CYP7B1: variants seen among roughly 807,000 people sequenced by gnomAD.
The protein encoded by CYP7B1 is cytochrome P450 family 7 subfamily B member 1.
A neutral mutation model predicts 42.7 loss-of-function variants in CYP7B1; 29 were observed. The ratio of observed to expected loss-of-function variants is 0.68; its 90% CI spans 0.51 to 0.93. The LOEUF is 0.93. Ranked by LOEUF, CYP7B1 falls within the 40% of genes least tolerant of loss-of-function variation. CYP7B1 has a pLI of 0.00. For synonymous variants in CYP7B1, 235 were observed against 218.2 expected (o/e 1.08, Z -0.68); for missense variants, 655 against 600.5 (o/e 1.09, Z -0.95).
intron 1 of CYP7B1, among the ~76,000 whole-genome samples, chr8:64,657,342 GA>G (rs538688197): frequency 2.0e-5 from 3 of 151,562 alleles, no homozygotes; most frequent in Admixed American, 6.6e-5. Context: ...TTTCCCTTGG[GA>G]AAAAAAAGCT....
At chr8:64,659,186 C>T (rs1029486474) in intron 1 of CYP7B1, among the ~76,000 whole-genome samples, 4 of 152,102 alleles carry the variant, frequency 2.6e-5, no homozygotes, top group Admixed American at 1.3e-4. Flanking sequence ...TACTAAACCA[C>T]GGTAATGGAG....
chr8:64,614,758 T>C (rs1805408699), intron 4 of CYP7B1, among the ~76,000 whole-genome samples: 1 of 152,194 alleles, frequency 6.6e-6, no homozygotes, highest in Non-Finnish European at 1.5e-5. Context: ...TCAAATGATT[T>C]AATAGGCATA....
intron 1 of CYP7B1, among the ~76,000 whole-genome samples, chr8:64,644,199 G>A (rs926121219): frequency 6.6e-6 from 1 of 151,756 alleles, no homozygotes; most frequent in Non-Finnish European, 1.5e-5. Flanking sequence ...TTGAACCCAG[G>A]AGGCTGAGGT....
rs575035819 is a variant in CYP7B1 at position 64,714,131 on chromosome 8, T to C, written c.122+84335A>G. On this transcript the variant is annotated intron_variant, in intron 1 of 5. Transcript: ENST00000310193. ...CAAACCTGTGTTTCTGGCTTCAGCATTCATGCTCTTAACCATGCTATATGG... is the reference window on the plus strand; with the variant it reads ...CAAACCTGTGTTTCTGGCTTCAGCACTCATGCTCTTAACCATGCTATATGG... Among the ~76,000 whole-genome samples the C allele has an allele frequency of 5.3e-5, 8 of 152,328 alleles. No individual in the cohort carries two copies. In the South Asian group the frequency reaches 1.7e-3, roughly 32 times the overall value.
chr8:64,636,660 T>A (rs1805777271), intron 1 of CYP7B1, among the ~76,000 whole-genome samples: 1 of 152,196 alleles, frequency 6.6e-6, no homozygotes, highest in Non-Finnish European at 1.5e-5. Flanking sequence ...TGGTCACAGA[T>A]GAGGCACCAG....
intron 1 of CYP7B1, among the ~76,000 whole-genome samples, chr8:64,780,558 GA>G (rs966361461): frequency 1.3e-5 from 2 of 151,586 alleles, no homozygotes; most frequent in African/African-American, 4.8e-5. Context: ...CTTCTACATT[GA>G]AAAAAATGCC....
chr8:64,702,324 T>C (rs962467029), intron 1 of CYP7B1, among the ~76,000 whole-genome samples: 5 of 152,218 alleles, frequency 3.3e-5, no homozygotes, highest in African/African-American at 9.6e-5. Context: ...TTAAGGTTAA[T>C]GTTATAAAAT....
chr8:64,668,738 AAAG>A (rs1806320716), intron 1 of CYP7B1, among the ~76,000 whole-genome samples: 1 of 151,746 alleles, frequency 6.6e-6, no homozygotes, highest in Non-Finnish European at 1.5e-5. Context: ...AAAAAAAAAA[AAAG>A]GTTAAAAAGA....
At chr8:64,600,216 G>C (rs1475203615) in intron 5 of CYP7B1, among the ~76,000 whole-genome samples, 1 of 152,156 alleles carries the variant, frequency 6.6e-6, no homozygotes. Flanking sequence ...AGTTTGGATA[G>C]AGGACACAAT....
chr8:64,793,213 C>T (rs911300084), intron 1 of CYP7B1, among the ~76,000 whole-genome samples: 1 of 152,170 alleles, frequency 6.6e-6, no homozygotes, highest in Non-Finnish European at 1.5e-5. Flanking sequence ...TCTGTTATCA[C>T]CCCCTCTCCA....
At chr8:64,713,094 T>C (rs111987715) in intron 1 of CYP7B1, among the ~76,000 whole-genome samples, 2,118 of 152,224 alleles carry the variant, frequency 0.014, 57 homozygotes, top group African/African-American at 0.047. Context: ...GATGAATGGA[T>C]AGAGAGCTGA....
At chr8:64,656,717 T>C (rs1806125879) in intron 1 of CYP7B1, among the ~76,000 whole-genome samples, 1 of 152,202 alleles carries the variant, frequency 6.6e-6, no homozygotes, top group Admixed American at 6.5e-5. Flanking sequence ...AGAAGCCCAA[T>C]TGTGCAATCC....
intron 1 of CYP7B1, among the ~76,000 whole-genome samples, chr8:64,777,873 T>G (rs927958704): frequency 1.3e-5 from 2 of 151,910 alleles, no homozygotes; most frequent in Non-Finnish European, 2.9e-5. Context: ...AAAACACTGA[T>G]TTGAATCAAT....
At chr8:64,672,981 T>G (rs948131953) in intron 1 of CYP7B1, among the ~76,000 whole-genome samples, 2 of 152,220 alleles carry the variant, frequency 1.3e-5, no homozygotes, top group Middle Eastern at 3.4e-3. Flanking sequence ...GTTCTGTGCA[T>G]GTCAAGTATG....
chr8:64,720,870 G>T (rs1391223493), intron 1 of CYP7B1, among the ~76,000 whole-genome samples: 1 of 151,968 alleles, frequency 6.6e-6, no homozygotes, highest in African/African-American at 2.4e-5. Context: ...AGCAGGGGTT[G>T]CCAAAAGCTT....
intron 1 of CYP7B1, among the ~76,000 whole-genome samples, chr8:64,642,033 G>A (rs1470667796): frequency 6.6e-6 from 1 of 152,040 alleles, no homozygotes; most frequent in Non-Finnish European, 1.5e-5. Flanking sequence ...TTTGTTTCAG[G>A]TAATGAACTA....
At chr8:64,765,745 C>T (rs1189865793) in intron 1 of CYP7B1, among the ~76,000 whole-genome samples, 1 of 152,072 alleles carries the variant, frequency 6.6e-6, no homozygotes, top group African/African-American at 2.4e-5. Flanking sequence ...TGCTGGCATC[C>T]CTATGTTCTT....
intron 1 of CYP7B1, among the ~76,000 whole-genome samples, chr8:64,686,139 T>G (rs1366508455): frequency 1.2e-4 from 8 of 68,638 alleles, no homozygotes; most frequent in African/African-American, 4.1e-4. Context: ...CCGCCCCGTC[T>G]GGGAGGTGAG....
chr8:64,742,364 A>G (rs1807582597), intron 1 of CYP7B1, among the ~76,000 whole-genome samples: 1 of 152,176 alleles, frequency 6.6e-6, no homozygotes, highest in Non-Finnish European at 1.5e-5. Context: ...AGTAGTTTTA[A>G]GAGAGTAGAA....
Sources: allele counts gnomAD v4.1 joint callset (sites outside exome capture counted in the v4.1 genomes callset), GRCh38; gene constraint gnomAD v4.1.1; transcripts MANE v1.5; gene names NCBI Gene and HGNC (gene_info 2026-07-23, HGNC 2026-07-21).